The following STXBP4 variants were observed in gnomAD, a reference collection of about 807,000 sequenced individuals.
STXBP4 encodes the protein syntaxin binding protein 4.
Under a neutral mutation model 76.1 loss-of-function variants are expected in STXBP4, and 55 were observed. That is an observed-to-expected ratio of 0.72 (90% CI 0.58 to 0.91). The LOEUF is 0.91. Among genes scored for constraint, STXBP4 ranks in the 40% least tolerant of loss-of-function variants. STXBP4 has a pLI of 0.00. For synonymous variants in STXBP4, 201 were observed against 220.2 expected, an observed-to-expected ratio of 0.91 and a Z score of 0.77; for missense variants, 618 against 636.9, an observed-to-expected ratio of 0.97 and a Z score of 0.32.
chr17:55,128,603 T>C (rs1296439960), intron 16 of STXBP4, among the ~76,000 whole-genome samples: 2 of 152,004 alleles, frequency 1.3e-5, no homozygotes, highest in East Asian at 3.9e-4. Flanking sequence ...TCCTTTTGTT[T>C]GTTTGTTTGT....
intron 1 of STXBP4, among the ~76,000 whole-genome samples, chr17:54,973,895 C>G (rs1035988041): frequency 6.6e-6 from 1 of 152,150 alleles, no homozygotes; most frequent in Non-Finnish European, 1.5e-5. Flanking sequence ...TAAACTCTTT[C>G]TGGTTAGCTA....
At chr17:55,076,985 AT>A (rs1346274952) in intron 13 of STXBP4, among the ~76,000 whole-genome samples, 4 of 152,054 alleles carry the variant, frequency 2.6e-5, no homozygotes, top group Non-Finnish European at 4.4e-5. Flanking sequence ...TTTGAGATGT[AT>A]TTTTTATGTT....
chr17:54,987,211 G>A (rs898057516), intron 3 of STXBP4, among the ~76,000 whole-genome samples: 1 of 152,022 alleles, frequency 6.6e-6, no homozygotes, highest in Non-Finnish European at 1.5e-5. Flanking sequence ...CTTTAACAAG[G>A]CATATTAAAA....
chr17:55,185,326 T>TCTCCTTCTCCTCCTC, the STXBP4 span, among the ~76,000 whole-genome samples: 1 of 74,712 alleles, frequency 1.3e-5, no homozygotes, highest in Non-Finnish European at 2.8e-5. Flanking sequence ...TCCTTCTCCT[T>TCTCCTTCTCCTCCTC]CTCCTCCTCC....
At chr17:54,971,084 C>G (rs999113025) in intron 1 of STXBP4, among the ~76,000 whole-genome samples, 5 of 152,124 alleles carry the variant, frequency 3.3e-5, no homozygotes, top group Admixed American at 6.5e-5. Context: ...AATATTTCTG[C>G]AACATAATAG....
intron 7 of STXBP4, among the ~76,000 whole-genome samples, chr17:55,003,726 CATA>C (rs1312076629): frequency 6.6e-6 from 1 of 152,124 alleles, no homozygotes; most frequent in Non-Finnish European, 1.5e-5. Context: ...TTAAAATCCA[CATA>C]ATATTTAAAT....
At chr17:55,013,271 A>G (rs2078144951) in intron 8 of STXBP4, among the ~76,000 whole-genome samples, 1 of 152,212 alleles carries the variant, frequency 6.6e-6, no homozygotes, top group African/African-American at 2.4e-5. Context: ...TGTATAAAGA[A>G]AAGTCTTGCC....
At position 55,164,261 on chromosome 17, in the gene STXBP4, A is replaced by T. The variant is rs1003399093; in HGVS notation, c.*4350A>T. 1 of 152,166 alleles carries T rather than the reference A, an allele frequency of 6.6e-6. No homozygotes were observed. Among genetic ancestry groups the T allele is most frequent in the Non-Finnish European group, 1.5e-5 (1 of 68,034 alleles). The allele number at this position is 152,166 out of a possible 1,614,324, so 9.4% of individuals were successfully genotyped here. On this transcript the variant is annotated 3_prime_UTR_variant, in exon 18 of 18. Coordinates refer to ENST00000376352, the MANE Select transcript of STXBP4 (RefSeq NM_178509.6). ...CTGCAATTCTGTATTTGCTTTCTTG[A>T]TATGACTTTTAACATTTAAACTTAT...
chr17:55,187,473 C>T, the STXBP4 span, among the ~76,000 whole-genome samples: 16 of 152,136 alleles, frequency 1.1e-4, 1 homozygote, highest in African/African-American at 3.9e-4. Context: ...GGAGCCCATT[C>T]TTAGAATGCC....
the STXBP4 span, among the ~76,000 whole-genome samples, chr17:55,181,333 T>C: frequency 4.6e-5 from 7 of 152,244 alleles, no homozygotes; most frequent in Non-Finnish European, 1.0e-4. Context: ...TAAATTAAAT[T>C]GTATTCTATT....
At chr17:55,034,463 C>T (rs2078564258) in intron 10 of STXBP4, among the ~76,000 whole-genome samples, 1 of 152,110 alleles carries the variant, frequency 6.6e-6, no homozygotes, top group Admixed American at 6.6e-5. Flanking sequence ...TCTTGTGCTA[C>T]TATCACACCT....
At chr17:55,052,071 C>T (rs1275411789) in intron 12 of STXBP4, among the ~76,000 whole-genome samples, 1 of 152,096 alleles carries the variant, frequency 6.6e-6, no homozygotes, top group Admixed American at 6.6e-5. Flanking sequence ...TTTTCCCTAG[C>T]TCTGTCAACT....
At position 55,160,932 on chromosome 17, in the gene STXBP4, A is replaced by G. The variant is rs564729687; in HGVS notation, c.*1021A>G. On this transcript the variant is annotated 3_prime_UTR_variant, in exon 18 of 18. Transcript: ENST00000376352. ...TGCTTAGGTTGCCCTTCCCAGAGGG[A>G]TGGTTTGAGGGGAGCTGATGAGAAG... The G allele has an allele frequency of 6.6e-4, 101 of 152,288 alleles. No homozygotes were observed. Among genetic ancestry groups the G allele is most frequent in the African/African-American group, 2.3e-3 (97 of 41,562 alleles). The allele number at this position is 152,288 out of a possible 1,614,324, so 9.4% of individuals were successfully genotyped here. A position where few individuals can be genotyped will look rare whatever the true frequency, so the allele number is the denominator to read the frequency against.
intron 16 of STXBP4, among the ~76,000 whole-genome samples, chr17:55,129,999 CTA>C (rs1373088663): frequency 1.3e-5 from 2 of 152,084 alleles, no homozygotes; most frequent in Admixed American, 6.5e-5. Context: ...GTAAAGGACT[CTA>C]TGTGTCGCCA....
intron 4 of STXBP4, 88 bp from the exon 5 acceptor site, chr17:54,999,257 C>A: frequency 9.2e-7 from 1 of 1,090,010 alleles, no homozygotes; most frequent in Non-Finnish European, 1.3e-6. Context: ...GCATTCTTCA[C>A]GAAAACTTTT....
chr17:55,159,585 A>G (rs956549177), intron 17 of STXBP4, among the ~76,000 whole-genome samples: 1 of 152,226 alleles, frequency 6.6e-6, no homozygotes, highest in Non-Finnish European at 1.5e-5. Flanking sequence ...ATTCACCTGC[A>G]TTCCTTTTTA....
chr17:55,134,129 T>C (rs903991110), intron 16 of STXBP4, among the ~76,000 whole-genome samples: 6 of 151,948 alleles, frequency 3.9e-5, no homozygotes, highest in African/African-American at 1.4e-4. Context: ...GTAAGTAAGA[T>C]GGGAGGATTG....
downstream of STXBP4, among the ~76,000 whole-genome samples, chr17:55,177,690 T>A (rs923613123): frequency 8.5e-5 from 13 of 152,248 alleles, no homozygotes; most frequent in Admixed American, 6.5e-5. Flanking sequence ...AATTGATGAA[T>A]GGCTGAGTGA....
At chr17:55,074,401 A>G (rs1327896013) in intron 13 of STXBP4, among the ~76,000 whole-genome samples, 5 of 152,292 alleles carry the variant, frequency 3.3e-5, no homozygotes, top group Middle Eastern at 3.4e-3. Flanking sequence ...GGAATATTAC[A>G]TATTTGTTAT....
Sources: allele counts gnomAD v4.1 joint callset (sites outside exome capture counted in the v4.1 genomes callset), GRCh38; gene constraint gnomAD v4.1.1; transcripts MANE v1.5; gene names NCBI Gene and HGNC (gene_info 2026-07-23, HGNC 2026-07-21).